Variants in THSD4 observed in about 807,000 individuals in gnomAD.
The protein encoded by THSD4 is thrombospondin type 1 domain containing 4, also known as thrombospondin type-1 domain-containing protein 4.
THSD4 carries 69 observed loss-of-function variants against 119.0 expected under a neutral mutation model. That is an observed-to-expected ratio of 0.58 (90% confidence interval 0.48 to 0.71). The LOEUF is 0.71. Among genes scored for constraint, THSD4 ranks in the 30% least tolerant of loss-of-function variants. The pLI is 0.00. For synonymous variants in THSD4, 524 were observed against 540.4 expected (o/e 0.97, Z 0.42); for missense variants, 1,393 against 1,391.1 (o/e 1.00, Z -0.02).
intron 6 of THSD4, among the ~76,000 whole-genome samples, chr15:71,272,103 C>T (rs55961831): frequency 6.6e-6 from 1 of 152,040 alleles, no homozygotes; most frequent in Non-Finnish European, 1.5e-5. Flanking sequence ...GAAAACAACT[C>T]TTAAAAATGG....
chr15:71,203,107 C>T (rs1169967773), intron 3 of THSD4, among the ~76,000 whole-genome samples: 2 of 151,902 alleles, frequency 1.3e-5, no homozygotes, highest in Non-Finnish European at 2.9e-5. Context: ...TGTTCATAGG[C>T]AGAGTAGAAG....
chr15:71,262,345 A>C (rs555394799), intron 6 of THSD4, among the ~76,000 whole-genome samples: 1 of 152,182 alleles, frequency 6.6e-6, no homozygotes, highest in African/African-American at 2.4e-5. Context: ...CACCCAGGAC[A>C]GTGATAGTTT....
At chr15:71,345,956 C>T (rs970307255) in intron 6 of THSD4, among the ~76,000 whole-genome samples, 1 of 152,098 alleles carries the variant, frequency 6.6e-6, no homozygotes, top group Non-Finnish European at 1.5e-5. Context: ...AAAAAATTCT[C>T]ATACATAACC....
chr15:71,481,021 C>T (rs997158291), intron 7 of THSD4, among the ~76,000 whole-genome samples: 6 of 152,020 alleles, frequency 3.9e-5, no homozygotes, highest in East Asian at 3.8e-4. Context: ...TGCCTGTGAC[C>T]AGACCACCCT....
upstream of THSD4, chr15:71,112,019 G>T: frequency 7.5e-7 from 1 of 1,325,220 alleles, no homozygotes; most frequent in Non-Finnish European, 1.0e-6. Context: ...AAAGGGTCCA[G>T]CTGTCCTGCA....
At chr15:71,441,602 C>T (rs1192393211) in intron 7 of THSD4, among the ~76,000 whole-genome samples, 2 of 151,582 alleles carry the variant, frequency 1.3e-5, no homozygotes, top group African/African-American at 4.9e-5. Context: ...ACTATGTTGG[C>T]CAGGCTGGTC....
chr15:71,153,972 G>A (rs1042227168), intron 2 of THSD4, among the ~76,000 whole-genome samples: 5 of 152,170 alleles, frequency 3.3e-5, no homozygotes, highest in African/African-American at 1.2e-4. Context: ...AGGAGAGGGA[G>A]TGAAAGATCT....
chr15:71,327,500 T>A (rs968391072), intron 6 of THSD4, among the ~76,000 whole-genome samples: 11 of 152,188 alleles, frequency 7.2e-5, no homozygotes, highest in African/African-American at 2.7e-4. Flanking sequence ...ATGTATAATA[T>A]TTATTTTGTC....
intron 7 of THSD4, among the ~76,000 whole-genome samples, chr15:71,588,019 T>C (rs1595907828): frequency 6.6e-6 from 1 of 151,330 alleles, no homozygotes; most frequent in East Asian, 2.0e-4. Context: ...TCAAGAATCT[T>C]GTCATGGCCG....
At chr15:71,773,565 A>T (rs2140250868) in intron 17 of THSD4, among the ~76,000 whole-genome samples, 1 of 152,378 alleles carries the variant, frequency 6.6e-6, no homozygotes, top group East Asian at 1.9e-4. Context: ...TGAGATTAAC[A>T]AAACAGAATA....
intron 16 of THSD4, among the ~76,000 whole-genome samples, chr15:71,768,768 T>C (rs1455967053): frequency 1.3e-5 from 2 of 150,490 alleles, no homozygotes; most frequent in South Asian, 2.1e-4. Flanking sequence ...GGTTTCACCA[T>C]GTTAGCCAGG....
At chr15:71,757,478 T>G (rs1481570992) in intron 14 of THSD4, among the ~76,000 whole-genome samples, 1 of 152,240 alleles carries the variant, frequency 6.6e-6, no homozygotes, top group Non-Finnish European at 1.5e-5. Context: ...TTGCCCAGGC[T>G]GGAGTGCAGT....
At chr15:71,380,911 A>G (rs2046220556) in intron 6 of THSD4, among the ~76,000 whole-genome samples, 1 of 152,176 alleles carries the variant, frequency 6.6e-6, no homozygotes, top group South Asian at 2.1e-4. Context: ...TGGGAAAGGA[A>G]CACATAATAT....
intron 8 of THSD4, among the ~76,000 whole-genome samples, chr15:71,718,866 A>G (rs945167017): frequency 1.3e-5 from 2 of 152,254 alleles, no homozygotes; most frequent in South Asian, 4.1e-4. Flanking sequence ...TGGAAATTTT[A>G]CCAGCCTCTC....
chr15:71,158,574 T>C (rs1436672016), intron 3 of THSD4, among the ~76,000 whole-genome samples: 1 of 152,160 alleles, frequency 6.6e-6, no homozygotes, highest in African/African-American at 2.4e-5. Context: ...TCAAAATATA[T>C]TTTTTGGCCA....
chr15:71,288,635 G>C (rs1199266277), intron 6 of THSD4, among the ~76,000 whole-genome samples: 1 of 152,138 alleles, frequency 6.6e-6, no homozygotes, highest in African/African-American at 2.4e-5. Flanking sequence ...GAATAGATCC[G>C]GGAAGGCAGA....
intron 7 of THSD4, among the ~76,000 whole-genome samples, chr15:71,524,763 A>ATT (rs35666244): frequency 2.6e-4 from 30 of 116,102 alleles, no homozygotes; most frequent in Admixed American, 1.1e-3. Context: ...CGCCCGGCTA[A>ATT]TTTTTTTTTT....
rs563068388 is a variant in THSD4 at position 71,473,093 on chromosome 15, G to C, written c.1152+61270G>C. 6.1e-4 allele frequency among the ~76,000 whole-genome samples: 79 copies of C among 128,858 alleles called. 1 individual carries two copies. Among genetic ancestry groups the C allele is most frequent in the African/African-American group, 2.2e-3 (74 of 32,970 alleles). The allele number at this position is 128,858 out of a possible 152,430, so 84.5% of individuals were successfully genotyped here. On this transcript the variant is annotated intron_variant, in intron 7 of 17. Transcript: ENST00000261862. ...TTTTTTTGAGACAAAGTCTCACTCT[G>C]TGGCCCAGGCTGGAGTACAATGGTG...
At chr15:71,150,764 A>T (rs965966609) in intron 2 of THSD4, among the ~76,000 whole-genome samples, 1 of 152,212 alleles carries the variant, frequency 6.6e-6, no homozygotes, top group African/African-American at 2.4e-5. Context: ...TGATTTTTAT[A>T]AATCCCTCAT....
Sources: allele counts gnomAD v4.1 joint callset (sites outside exome capture counted in the v4.1 genomes callset), GRCh38; gene constraint gnomAD v4.1.1; transcripts MANE v1.5; gene names NCBI Gene and HGNC (gene_info 2026-07-23, HGNC 2026-07-21).